The following NAT2 variants were observed in gnomAD, a reference collection of about 807,000 sequenced individuals.
The protein encoded by NAT2 is N-acetyltransferase 2.
For synonymous variants in NAT2, 137 were observed against 125.9 expected (o/e 1.09, Z -0.59); for missense variants, 428 against 339.1 (o/e 1.26, Z -2.06).
chr8:18,393,884 A>G (rs959601282), intron 1 of NAT2, among the ~76,000 whole-genome samples: 2 of 152,230 alleles, frequency 1.3e-5, no homozygotes, highest in Non-Finnish European at 2.9e-5. Flanking sequence ...CAGATACACT[A>G]TAGTTTTTGA....
At chr8:18,393,718 G>A (rs936360874) in intron 1 of NAT2, among the ~76,000 whole-genome samples, 4 of 152,096 alleles carry the variant, frequency 2.6e-5, no homozygotes, top group Non-Finnish European at 5.9e-5. Flanking sequence ...GAAAACCCCA[G>A]TTTTAATTTC....
At chr8:18,391,044 A>G (rs568478170), upstream of NAT2, among the ~76,000 whole-genome samples, 1 of 152,254 alleles carries the variant, frequency 6.6e-6, no homozygotes, top group South Asian at 2.1e-4. Context: ...GAGAGCAAGA[A>G]CTAGGTGAAA....
intron 1 of NAT2, among the ~76,000 whole-genome samples, chr8:18,393,898 A>G (rs1031670935): frequency 2.6e-5 from 4 of 152,232 alleles, no homozygotes; most frequent in African/African-American, 9.6e-5. Flanking sequence ...TTTTTGAAAC[A>G]TAGTATTTCT....
upstream of NAT2, among the ~76,000 whole-genome samples, chr8:18,386,956 G>A (rs2117606487): frequency 6.6e-6 from 1 of 152,342 alleles, no homozygotes; most frequent in African/African-American, 2.4e-5. Flanking sequence ...CGAGTTCCAC[G>A]GAGGTTGAGT....
At chr8:18,387,543 G>T, upstream of NAT2, 4 of 153,636 alleles carry the variant, frequency 2.6e-5, no homozygotes, top group South Asian at 7.4e-4. Context: ...CCTTGTGGAC[G>T]ACCAGCCCCG....
At chr8:18,393,470 AAAAT>A (rs761429534) in intron 1 of NAT2, among the ~76,000 whole-genome samples, 300 of 152,240 alleles carry the variant, frequency 2.0e-3, no homozygotes, top group African/African-American at 6.8e-3. Flanking sequence ...GAAACAGAAA[AAAAT>A]AAATAAATAA....
At chr8:18,390,849 A>C (rs1800582060), upstream of NAT2, among the ~76,000 whole-genome samples, 1 of 152,192 alleles carries the variant, frequency 6.6e-6, no homozygotes, top group East Asian at 1.9e-4. Context: ...GAGAGATGAA[A>C]AGAGGCAGAA....
At chr8:18,399,317 C>T (rs1256929660) in intron 1 of NAT2, among the ~76,000 whole-genome samples, 5 of 152,204 alleles carry the variant, frequency 3.3e-5, no homozygotes, top group Admixed American at 2.0e-4. Flanking sequence ...CCACTAACCC[C>T]TCTTTTTGTT....
At position 18,400,019 on chromosome 8, in the gene NAT2, T is replaced by C. The variant is rs1435840670; in HGVS notation, c.16T>C (p.Tyr6His). MDIEA[Y>H]FERIGYKNSR... ...TTAGGGGATCATGGACATTGAAGCA[T>C]ATTTTGAAAGAATTGGCTATAAGAA... Residue 6 changes from tyrosine to histidine, a missense_variant, in exon 2 of 2, where the codon TAT becomes CAT. Physicochemically the swap from Tyr to His is moderately conservative, Grantham distance 83. Transcript: ENST00000286479. 5 of 1,589,226 alleles carry C rather than the reference T, an allele frequency of 3.1e-6. No homozygotes were observed. Among genetic ancestry groups the C allele is most frequent in the Admixed American group, 3.5e-5 (2 of 56,740 alleles).
chr8:18,399,172 C>T (rs551889552), intron 1 of NAT2, among the ~76,000 whole-genome samples: 1 of 152,278 alleles, frequency 6.6e-6, no homozygotes, highest in East Asian at 1.9e-4. Context: ...AGCTAAGGAT[C>T]CTGGTACTTT....
At chr8:18,389,976 A>G (rs1800567637), upstream of NAT2, among the ~76,000 whole-genome samples, 1 of 152,234 alleles carries the variant, frequency 6.6e-6, no homozygotes, top group Non-Finnish European at 1.5e-5. Context: ...ATCAATAAAA[A>G]GGTGCATTGT....
upstream of NAT2, chr8:18,391,247 A>C (rs1271229420): frequency 6.6e-6 from 1 of 152,188 alleles, no homozygotes; most frequent in African/African-American, 2.4e-5. Flanking sequence ...AATTCCAGTG[A>C]GATCACTTCC....
At position 18,393,541 on chromosome 8, in the gene NAT2, C is replaced by G. The variant is rs543466404; in HGVS notation, c.-7+2196C>G. On this transcript the variant is annotated intron_variant, in intron 1 of 1. Coordinates refer to ENST00000286479, the MANE Select transcript of NAT2 (RefSeq NM_000015.3). ...GAAAAGCTAGTCTATAGCTTTTTCT[C>G]TGAGGCGTCTTCATATTGCAGTGGC... Among the ~76,000 whole-genome samples the G allele has an allele frequency of 1.5e-4, 23 of 152,320 alleles. 2 individuals carry two copies. The highest frequency in any genetic ancestry group is 3.4e-3 in the Middle Eastern group (1 of 294).
chr8:18,395,446 G>A (rs1028782950), intron 1 of NAT2, among the ~76,000 whole-genome samples: 1 of 152,002 alleles, frequency 6.6e-6, no homozygotes, highest in Non-Finnish European at 1.5e-5. Context: ...ACGCAATGTT[G>A]AAAAACATAC....
intron 1 of NAT2, among the ~76,000 whole-genome samples, chr8:18,395,451 A>G (rs900618921): frequency 2.0e-5 from 3 of 152,246 alleles, no homozygotes; most frequent in Middle Eastern, 3.4e-3. Context: ...ATGTTGAAAA[A>G]CATACTAGTA....
chr8:18,390,154 T>TC (rs1432513100), upstream of NAT2, among the ~76,000 whole-genome samples: 1 of 151,900 alleles, frequency 6.6e-6, no homozygotes, highest in African/African-American at 2.4e-5. Flanking sequence ...CTTTAATTTG[T>TC]AGTCCATCTG....
chr8:18,400,936 T>G lies in NAT2; in HGVS notation c.*60T>G. 7.6e-7 allele frequency: 1 copy of G among 1,322,132 alleles called. No homozygotes were observed. Among genetic ancestry groups the G allele is most frequent in the Non-Finnish European group, 1.0e-6 (1 of 967,672 alleles). 81.9% of individuals were successfully genotyped at this position (1,322,132 alleles called of 1,614,324 possible). A position where few individuals can be genotyped will look rare whatever the true frequency, so the allele number is the denominator to read the frequency against. The stretch of plus-strand genomic sequence containing the variant: ...ACCCAACTCACTAATTATCAACTTA[T>G]GTGCTATCAGATATCCTCTCTACCC... On this transcript the variant is annotated 3_prime_UTR_variant, in exon 2 of 2. Coordinates refer to ENST00000286479, the MANE Select transcript of NAT2 (RefSeq NM_000015.3).
At position 18,400,351 on chromosome 8, in the gene NAT2, C is replaced by T. The variant is rs1800768257; in HGVS notation, c.348C>T (p.Gly116=). 1 of 1,612,770 alleles carries T rather than the reference C, an allele frequency of 6.2e-7. No individual in the cohort carries two copies. The highest frequency in any genetic ancestry group is 1.1e-5 in the South Asian group (1 of 90,862). Residue 116 remains glycine (G), a synonymous_variant, in exon 2 of 2, where the codon GGC becomes GGT. Transcript: ENST00000286479. ...VHLLLQVTID[G]RNYIVDAGSG... ...TTCTCCTGCAGGTGACCATTGACGG[C>T]AGGAATTACATTGTCGATGCTGGGT...
chr8:18,392,172 G>A (rs909835355), intron 1 of NAT2, among the ~76,000 whole-genome samples: 2 of 152,208 alleles, frequency 1.3e-5, no homozygotes, highest in Non-Finnish European at 2.9e-5. Flanking sequence ...TTTATTTAAT[G>A]TATATACATG....
Sources: allele counts gnomAD v4.1 joint callset (sites outside exome capture counted in the v4.1 genomes callset), GRCh38; gene constraint gnomAD v4.1.1; transcripts MANE v1.5; gene names NCBI Gene and HGNC (gene_info 2026-07-23, HGNC 2026-07-21).